SCD5: variants seen among roughly 807,000 people sequenced by gnomAD.
SCD5 encodes acyl-CoA-desaturase 4.
In SCD5, 20 loss-of-function variants were observed where a neutral mutation model predicts 30.4. The observed-to-expected ratio is 0.66, with a 90% CI of 0.46 to 0.96. The LOEUF is 0.96. Among genes scored for constraint, SCD5 ranks in the 40% least tolerant of loss-of-function variants. The probability of loss-of-function intolerance (pLI) is 0.00; values close to 1 mark genes in which losing one functional copy is unlikely to be tolerated. For synonymous variants in SCD5, 173 were observed against 176.4 expected (o/e 0.98, Z 0.16); for missense variants, 381 against 443.3 (o/e 0.86, Z 1.26).
rs562117466 is a variant in SCD5, at chr4:82,747,071, C to CCCCCCG, written c.233-41659_233-41658insCGGGGG. 3.4e-3 allele frequency among the ~76,000 whole-genome samples: 351 copies of CCCCCCG among 103,212 alleles called. 14 individuals carry two copies. Among genetic ancestry groups the CCCCCCG allele is most frequent in the Non-Finnish European group, 3.6e-3 (174 of 47,782 alleles). The allele number at this position is 103,212 out of a possible 152,430, so 67.7% of individuals were successfully genotyped here. A position where few individuals can be genotyped will look rare whatever the true frequency, so the allele number is the denominator to read the frequency against. On this transcript the variant is annotated intron_variant, in intron 1 of 4. Transcript: ENST00000319540. ...TTAGAGAAAAGTCTGGGCAACCTGC[C>CCCCCCG]CCCCAAGAAAGACGACCTTCCCACT...
At chr4:82,718,632 A>G (rs1016535864) in intron 1 of SCD5, among the ~76,000 whole-genome samples, 2 of 151,868 alleles carry the variant, frequency 1.3e-5, no homozygotes, top group African/African-American at 4.9e-5. Flanking sequence ...ATAGAAAAAA[A>G]AGATGAAATT....
At chr4:82,715,976 G>A (rs1217849815) in intron 1 of SCD5, among the ~76,000 whole-genome samples, 1 of 151,760 alleles carries the variant, frequency 6.6e-6, no homozygotes, top group African/African-American at 2.4e-5. Context: ...TGTCAATTGT[G>A]TAATATTTTA....
At chr4:82,794,604 C>G (rs946154891) in intron 1 of SCD5, among the ~76,000 whole-genome samples, 1 of 152,050 alleles carries the variant, frequency 6.6e-6, no homozygotes, top group African/African-American at 2.4e-5. Context: ...TGAGCTCAAG[C>G]CTTCAGATGC....
intron 2 of SCD5, among the ~76,000 whole-genome samples, chr4:82,697,364 A>T (rs1052347645): frequency 6.6e-6 from 1 of 152,222 alleles, no homozygotes; most frequent in African/African-American, 2.4e-5. Context: ...AATCGCCTTA[A>T]AGTGGTTAGA....
chr4:82,702,054 T>C (rs1241807001), intron 2 of SCD5, among the ~76,000 whole-genome samples: 1 of 150,592 alleles, frequency 6.6e-6, no homozygotes, highest in Non-Finnish European at 1.5e-5. Flanking sequence ...AGATCTTTGC[T>C]GAATACAAGC....
At chr4:82,764,095 A>G (rs531858575) in intron 1 of SCD5, among the ~76,000 whole-genome samples, 2 of 152,184 alleles carry the variant, frequency 1.3e-5, no homozygotes, top group African/African-American at 4.8e-5. Context: ...CCAATCTGAC[A>G]ATCTCTGCCT....
intron 1 of SCD5, among the ~76,000 whole-genome samples, chr4:82,768,498 G>A (rs868428179): frequency 3.3e-5 from 5 of 152,224 alleles, no homozygotes; most frequent in South Asian, 2.1e-4. Flanking sequence ...AAGTGAGTTA[G>A]TGAAGGGCAG....
chr4:82,642,145 T>C (rs7679380), intron 3 of SCD5, among the ~76,000 whole-genome samples: 29,657 of 151,976 alleles, frequency 0.2, 3,066 homozygotes, highest in East Asian at 0.37. Context: ...GGCCCTATGA[T>C]GTAGTTTTTA....
At chr4:82,763,214 T>C (rs1441730812) in intron 1 of SCD5, among the ~76,000 whole-genome samples, 1 of 152,148 alleles carries the variant, frequency 6.6e-6, no homozygotes, top group South Asian at 2.1e-4. Context: ...TAGGGCCTTT[T>C]AAGAAGTGAT....
chr4:82,696,283 G>A (rs758417918), intron 2 of SCD5, among the ~76,000 whole-genome samples: 6 of 152,218 alleles, frequency 3.9e-5, no homozygotes, highest in Non-Finnish European at 8.8e-5. Context: ...TCTTTGGAGC[G>A]TGATAAGGCA....
chr4:82,763,971 C>A (rs1320653533), intron 1 of SCD5, among the ~76,000 whole-genome samples: 2 of 152,198 alleles, frequency 1.3e-5, no homozygotes, highest in African/African-American at 4.8e-5. Context: ...CTCCAGCCTT[C>A]TTTGATTGAT....
At chr4:82,747,692 CATT>C (rs1369212373) in intron 1 of SCD5, among the ~76,000 whole-genome samples, 2 of 152,180 alleles carry the variant, frequency 1.3e-5, no homozygotes, top group African/African-American at 4.8e-5. Flanking sequence ...TAATTGCAAA[CATT>C]ATGGATTACG....
chr4:82,743,050 C>G (rs374678383), intron 1 of SCD5, among the ~76,000 whole-genome samples: 1 of 152,126 alleles, frequency 6.6e-6, no homozygotes, highest in East Asian at 1.9e-4. Context: ...AGCCCCCAGC[C>G]CTTTCCACTG....
chr4:82,753,193 C>T, intron 1 of SCD5: 2 of 397,822 alleles, frequency 5.0e-6, no homozygotes, highest in Non-Finnish European at 1.0e-5. Context: ...GGGAGCATGT[C>T]TCACCTACTT....
In SCD5 at chr4:82,731,831, C is replaced by A. The variant is rs144812169; in HGVS notation, c.233-26418G>T. ...CCCAGACCTGCTCCCCATTCCCTTCCGTCCCCAGAGGTAGTAAAGTGACTG... is the reference window on the plus strand; with the variant it reads ...CCCAGACCTGCTCCCCATTCCCTTCAGTCCCCAGAGGTAGTAAAGTGACTG... On this transcript the variant is annotated intron_variant, in intron 1 of 4. Transcript: ENST00000319540. 3.1e-3 allele frequency among the ~76,000 whole-genome samples: 474 copies of A among 152,276 alleles called. 4 individuals carry two copies. Among genetic ancestry groups the A allele is most frequent in the African/African-American group, 0.011 (441 of 41,548 alleles).
intron 3 of SCD5, among the ~76,000 whole-genome samples, chr4:82,650,816 G>T (rs1206389073): frequency 7.5e-6 from 1 of 133,186 alleles, no homozygotes; most frequent in Non-Finnish European, 1.6e-5. Flanking sequence ...AATATCAAAT[G>T]TTAATATATG....
intron 3 of SCD5, among the ~76,000 whole-genome samples, chr4:82,665,017 A>ATATG (rs1553914969): frequency 1.9e-4 from 22 of 118,114 alleles, no homozygotes; most frequent in Non-Finnish European, 2.8e-4. Context: ...ATATATATAT[A>ATATG]TATGTATAAT....
At position 82,649,879 on chromosome 4, in the gene SCD5, T is replaced by C. The variant is rs192058783; in HGVS notation, c.570-13056A>G. Among the ~76,000 whole-genome samples, 3 of 152,286 alleles carry C rather than the reference T, an allele frequency of 2.0e-5. No individual in the cohort carries two copies. In the East Asian group the frequency reaches 5.8e-4, roughly 29 times the overall value. On this transcript the variant is annotated intron_variant, in intron 3 of 4. Coordinates refer to ENST00000319540, the MANE Select transcript of SCD5 (RefSeq NM_001037582.3). Reference sequence around the variant, plus strand: ...GGTCACCGGGCCTTTGAAGGCAGCATGAATACTGGAGATTACTGTTCGTCT... The same window carrying C: ...GGTCACCGGGCCTTTGAAGGCAGCACGAATACTGGAGATTACTGTTCGTCT...
At chr4:82,752,706 G>A (rs1247131139) in intron 1 of SCD5, among the ~76,000 whole-genome samples, 1 of 152,082 alleles carries the variant, frequency 6.6e-6, no homozygotes, top group Admixed American at 6.6e-5. Context: ...TCCTCGCCCT[G>A]TGAGCACACA....
Sources: allele counts gnomAD v4.1 joint callset (sites outside exome capture counted in the v4.1 genomes callset), GRCh38; gene constraint gnomAD v4.1.1; transcripts MANE v1.5; gene names NCBI Gene and HGNC (gene_info 2026-07-23, HGNC 2026-07-21).